The following SPAG5 variants were observed in gnomAD, a reference collection of about 807,000 sequenced individuals.
SPAG5 encodes sperm-associated antigen 5.
Under a neutral mutation model 145.4 loss-of-function variants are expected in SPAG5, and 99 were observed. The ratio of observed to expected loss-of-function variants is 0.68; its 90% CI spans 0.58 to 0.80. SPAG5 has a LOEUF of 0.80. Ranked by LOEUF, SPAG5 falls within the 30% of genes least tolerant of loss-of-function variation. SPAG5 has a pLI of 0.00. For synonymous variants in SPAG5, 477 were observed against 525.4 expected (o/e 0.91, Z 1.26); for missense variants, 1,192 against 1,416.0 (o/e 0.84, Z 2.54).
intron 1 of SPAG5, 108 bp downstream of exon 1, chr17:28,598,788 A>C: frequency 6.6e-7 from 1 of 1,515,658 alleles, no homozygotes; most frequent in Non-Finnish European, 9.1e-7. Context: ...AAGACTCCAC[A>C]AGCCCCCAAC....
At chr17:28,594,158 C>G (rs2070643463) in intron 2 of SPAG5, among the ~76,000 whole-genome samples, 1 of 152,100 alleles carries the variant, frequency 6.6e-6, no homozygotes, top group Non-Finnish European at 1.5e-5. Context: ...CCTGAGTTTG[C>G]ACATTAAAAT....
rs760845726 is a variant in SPAG5 at position 28,579,176 on chromosome 17, C to T, written c.3082G>A (p.Glu1028Lys). The T allele has an allele frequency of 6.2e-7, 1 of 1,614,064 alleles. No homozygotes were observed. Among genetic ancestry groups the T allele is most frequent in the Non-Finnish European group, 8.5e-7 (1 of 1,180,042 alleles). Reference protein sequence around the residue: ...EVQKAKEADIEKLNQALCLRY... With the variant: ...EVQKAKEADIKKLNQALCLRY... ...AAGCACAAGGCCTGGTTCAGCTTCT[C>T]TATGTCTGCTTCTTTTGCCTTCTGG... The change falls in exon 19 of 24, where the codon GAG becomes AAG. Residue 1028 changes from glutamate to lysine, a missense_variant. Glu to Lys is a moderately conservative substitution (Grantham distance 56, BLOSUM62 1). Around this residue, in one of 5 missense-constraint regions of SPAG5, gnomAD observed 709 missense variants for 840.7 expected, o/e 0.84. Coordinates refer to ENST00000321765, the MANE Select transcript of SPAG5 (RefSeq NM_006461.4).
chr17:28,585,048 A>G, intron 10 of SPAG5, 54 bp downstream of exon 10: 2 of 1,441,898 alleles, frequency 1.4e-6, no homozygotes, highest in Non-Finnish European at 2.0e-6. Context: ...GGCTAATGGT[A>G]TCACACATTA....
At chr17:28,594,960 A>AG in intron 2 of SPAG5, among the ~76,000 whole-genome samples, 1 of 135,316 alleles carries the variant, frequency 7.4e-6, no homozygotes, top group Non-Finnish European at 1.7e-5. Flanking sequence ...ACCCTGTCTC[A>AG]AAAAAAAAAA....
chr17:28,584,566 T>C, intron 11 of SPAG5, 86 bp from the exon 12 acceptor site: 1 of 1,595,746 alleles, frequency 6.3e-7, no homozygotes, highest in Non-Finnish European at 8.6e-7. Context: ...TGCTCCTGAG[T>C]ACTTCCTTGC....
At chr17:28,590,436 C>A (rs2070612568) in intron 4 of SPAG5, among the ~76,000 whole-genome samples, 1 of 152,032 alleles carries the variant, frequency 6.6e-6, no homozygotes, top group Non-Finnish European at 1.5e-5. Context: ...CACCATACTT[C>A]TCAGGCTGGT....
chr17:28,591,249 G>C (rs1034424160), intron 4 of SPAG5, among the ~76,000 whole-genome samples: 2 of 152,190 alleles, frequency 1.3e-5, no homozygotes, highest in African/African-American at 4.8e-5. Context: ...CCCAGGGGTA[G>C]AGTGACTACC....
In SPAG5 at chr17:28,585,202, G is replaced by A. The variant is rs1385996919; in HGVS notation, c.1967C>T (p.Thr656Ile). ...RSMQLDYTTW[T>I]ALLSRSRQLT... ...TTGTCGGGACCGACTCAGCAAAGCT[G>A]TCCATGTTGTATACTACCAGGGGAA... Residue 656 changes from threonine to isoleucine, a missense_variant, in exon 10 of 24, where the codon ACA becomes ATA. By Grantham distance (89) the Thr-to-Ile change is moderately conservative. Around this residue, in one of 5 missense-constraint regions of SPAG5, gnomAD observed 709 missense variants for 840.7 expected, o/e 0.84. Coordinates refer to ENST00000321765, the MANE Select transcript of SPAG5 (RefSeq NM_006461.4). 1.9e-6 allele frequency: 3 copies of A among 1,614,176 alleles called. No homozygotes were observed. The highest frequency in any genetic ancestry group is 2.5e-6 in the Non-Finnish European group (3 of 1,180,008).
intron 13 of SPAG5, 63 bp from the exon 14 acceptor site, chr17:28,584,049 C>CTT: frequency 6.2e-7 from 1 of 1,609,170 alleles, no homozygotes; most frequent in South Asian, 1.1e-5. Context: ...GGTACAGAGG[C>CTT]TTTTTCTAGT....
chr17:28,591,777 C>G lies in SPAG5; in HGVS notation c.1358G>C (p.Arg453Pro). 3.7e-6 allele frequency: 6 copies of G among 1,614,078 alleles called. No individual in the cohort carries two copies. Among genetic ancestry groups the G allele is most frequent in the Non-Finnish European group, 5.1e-6 (6 of 1,180,016 alleles). Residue 453 changes from arginine (R) to proline (P), a missense_variant, in exon 4 of 24, where the codon CGG becomes CCG. Arg to Pro is a moderately radical substitution (Grantham distance 103, BLOSUM62 -2). This residue lies in a region of SPAG5 where 125 missense variants were observed against 143.8 expected (regional missense o/e 0.87). Coordinates refer to ENST00000321765, the MANE Select transcript of SPAG5 (RefSeq NM_006461.4). ...VILEVLSRQL[R>P]DWKSQLAVPH... ...GACAGCCAGCTGGCTCTTCCAGTCCCGAAGCTGGCGGGAGAGAACCTCCAG... is the reference window on the plus strand; with the variant it reads ...GACAGCCAGCTGGCTCTTCCAGTCCGGAAGCTGGCGGGAGAGAACCTCCAG...
chr17:28,578,190 G>A (rs1356567694), intron 22 of SPAG5, 28 bp downstream of exon 22: 2 of 1,612,952 alleles, frequency 1.2e-6, no homozygotes, highest in South Asian at 1.1e-5. Flanking sequence ...GGTAGGAAAT[G>A]GCCCTGGAAT....
At chr17:28,581,685 C>T (rs1031685598) in intron 15 of SPAG5, among the ~76,000 whole-genome samples, 2 of 152,212 alleles carry the variant, frequency 1.3e-5, no homozygotes, top group Middle Eastern at 3.4e-3. Flanking sequence ...TCTCTGCCCC[C>T]CGGTCTAGGT....
Position 28,584,432 on chromosome 17 carries a change from T to TTTA in SPAG5, c.2207_2209dup (p.Leu736_Lys737insIle), listed in dbSNP as rs766271486. The TTTA allele has an allele frequency of 6.2e-7, 1 of 1,614,104 alleles. No individual in the cohort carries two copies. The highest frequency in any genetic ancestry group is 8.5e-7 in the Non-Finnish European group (1 of 1,180,030). ...ATGGGTATGCTGACTCTGTAGCTCT[T>TTTA]TTAGCTGGCTGTCCATGTTGGCCAG... On this transcript the variant is annotated inframe_insertion, in exon 12 of 24. Transcript: ENST00000321765.
intron 4 of SPAG5, among the ~76,000 whole-genome samples, chr17:28,590,868 CAAAAAAAAA>C (rs60727111): frequency 3.5e-4 from 13 of 37,434 alleles, no homozygotes; most frequent in East Asian, 2.6e-3. Flanking sequence ...GACTCCGTCT[CAAAAAAAAA>C]AAAAAAAAAA....
chr17:28,591,616 C>A lies in SPAG5; in HGVS notation c.1437+82G>T, dbSNP rs568483408. 1.7e-5 allele frequency: 22 copies of A among 1,307,778 alleles called. No individual in the cohort carries two copies. In the African/African-American group the frequency reaches 2.8e-4, roughly 17 times the overall value. The allele number at this position is 1,307,778 out of a possible 1,614,324, so 81.0% of individuals were successfully genotyped here. A position where few individuals can be genotyped will look rare whatever the true frequency, so the allele number is the denominator to read the frequency against. ...AAGTATAAGCCTGTGATAGGAGTCCCCTTTGCCCTCTGGCAGCTTCTCAGC... is the reference window on the plus strand; with the variant it reads ...AAGTATAAGCCTGTGATAGGAGTCCACTTTGCCCTCTGGCAGCTTCTCAGC... On this transcript the variant is annotated intron_variant, in intron 4 of 23. Coordinates refer to ENST00000321765, the MANE Select transcript of SPAG5 (RefSeq NM_006461.4).
At chr17:28,586,978 C>T (rs1314788246) in intron 4 of SPAG5, among the ~76,000 whole-genome samples, 1 of 152,142 alleles carries the variant, frequency 6.6e-6, no homozygotes, top group Non-Finnish European at 1.5e-5. Flanking sequence ...TGGTCTCAAA[C>T]TCCTGGCCTC....
At chr17:28,598,247 G>A (rs1314491195) in intron 2 of SPAG5, among the ~76,000 whole-genome samples, 1 of 152,156 alleles carries the variant, frequency 6.6e-6, no homozygotes, top group Non-Finnish European at 1.5e-5. Flanking sequence ...AGGGTGGTAG[G>A]ATTTCTCAAT....
intron 5 of SPAG5, 38 bp downstream of exon 5, chr17:28,586,387 G>A: frequency 6.6e-7 from 1 of 1,522,894 alleles, no homozygotes; most frequent in Non-Finnish European, 9.1e-7. Context: ...CATCTTCACA[G>A]GAGACCCAGT....
Position 28,598,582 on chromosome 17 carries a change from G to GGCACCAACT in SPAG5, c.104_105insAGTTGGTGC (p.Ala35_Leu36insValGlyAla). Reference sequence around the variant, plus strand: ...GGGATCTTTTTCCAGAGTTGGTGAGGGCACCGGGCTGCAGGGTAAGTTCAC... The same window carrying GGCACCAACT: ...GGGATCTTTTTCCAGAGTTGGTGAGGGCACCAACTGCACCGGGCTGCAGGGTAAGTTCAC... On this transcript the variant is annotated inframe_insertion, in exon 2 of 24. Transcript: ENST00000321765. 1 of 1,613,590 alleles carries GGCACCAACT rather than the reference G, an allele frequency of 6.2e-7. No individual in the cohort carries two copies. The highest frequency in any genetic ancestry group is 8.5e-7 in the Non-Finnish European group (1 of 1,179,782).
Sources: gnomAD v4.1 joint callset for allele counts (sites outside exome capture counted in the v4.1 genomes callset) on GRCh38, gnomAD v4.1.1 for gene constraint, gnomAD v4.1.1 regional missense constraint, MANE v1.5 for transcripts, NCBI Gene and HGNC (gene_info 2026-07-23, HGNC 2026-07-21) for gene names.